The following DLGAP1 variants were observed in gnomAD, a reference collection of about 807,000 sequenced individuals.
The protein encoded by DLGAP1 is DLG associated protein 1.
In DLGAP1, 11 loss-of-function variants were observed where a neutral mutation model predicts 90.8. The ratio of observed to expected loss-of-function variants is 0.12; its 90% CI spans 0.08 to 0.20. The LOEUF is 0.20. DLGAP1 is among the 10% of genes least tolerant of loss of function. DLGAP1 has a pLI of 1.00. For synonymous variants in DLGAP1, 558 were observed against 540.7 expected (o/e 1.03, Z -0.44); for missense variants, 1,050 against 1,333.8 (o/e 0.79, Z 3.31).
chr18:4,351,931 T>C (rs2081410981), intron 1 of DLGAP1, among the ~76,000 whole-genome samples: 1 of 152,216 alleles, frequency 6.6e-6, no homozygotes, highest in Non-Finnish European at 1.5e-5. Context: ...ACGTAGTTTT[T>C]CCATAAAAAT....
intron 5 of DLGAP1, among the ~76,000 whole-genome samples, chr18:3,793,073 T>C (rs999200380): frequency 6.6e-6 from 1 of 152,128 alleles, no homozygotes; most frequent in Admixed American, 6.5e-5. Flanking sequence ...TAATATCCCA[T>C]GGAATACGAC....
rs569735740 is a variant in DLGAP1 at position 4,430,618 on chromosome 18, C to T, written c.-267+24388G>A. 2.0e-5 allele frequency: 3 copies of T among 151,412 alleles called. 1 individual carries two copies. Among genetic ancestry groups the T allele is most frequent in the African/African-American group, 7.3e-5 (3 of 41,212 alleles). The allele number at this position is 151,412 out of a possible 1,614,324, so 9.4% of individuals were successfully genotyped here. A position where few individuals can be genotyped will look rare whatever the true frequency, so the allele number is the denominator to read the frequency against. On this transcript the variant is annotated intron_variant, in intron 1 of 12. Transcript: ENST00000315677. ...TTGAGGTATAATTCACCAGTAAAAC[C>T]TGTATACATTTATGTGAGAGTGAGG...
chr18:4,078,071 A>G (rs2075550445), intron 2 of DLGAP1, among the ~76,000 whole-genome samples: 1 of 152,174 alleles, frequency 6.6e-6, no homozygotes, highest in African/African-American at 2.4e-5. Context: ...TTTTCTATTC[A>G]TTGTAAACGA....
intron 10 of DLGAP1, among the ~76,000 whole-genome samples, chr18:3,523,816 C>G (rs1357632636): frequency 1.3e-5 from 2 of 150,812 alleles, no homozygotes; most frequent in East Asian, 2.0e-4. Flanking sequence ...CCACTGCACT[C>G]CAGCCTGGGC....
intron 7 of DLGAP1, among the ~76,000 whole-genome samples, chr18:3,674,296 A>ATACATATAT (rs1555623972): frequency 7.8e-6 from 1 of 128,992 alleles, no homozygotes; most frequent in East Asian, 2.1e-4. Context: ...ATAATATTAA[A>ATACATATAT]ATATATATAT....
At chr18:3,771,021 GAGA>G (rs2148006279) in intron 5 of DLGAP1, 1 of 152,264 alleles carries the variant, frequency 6.6e-6, no homozygotes, top group Non-Finnish European at 1.5e-5. Context: ...CTTTTCTATA[GAGA>G]AGCACCGAAC....
chr18:3,867,550 G>A (rs569145983), intron 4 of DLGAP1, among the ~76,000 whole-genome samples: 20 of 152,186 alleles, frequency 1.3e-4, no homozygotes, highest in African/African-American at 4.8e-4. Flanking sequence ...ATCAGTGAAC[G>A]AAGAAATTAA....
At chr18:3,850,439 C>G (rs2069273508) in intron 4 of DLGAP1, among the ~76,000 whole-genome samples, 5 of 151,938 alleles carry the variant, frequency 3.3e-5, no homozygotes, top group Admixed American at 2.6e-4. Flanking sequence ...ATTATAAGAT[C>G]CATTAGATGA....
intron 2 of DLGAP1, among the ~76,000 whole-genome samples, chr18:4,064,507 G>T (rs1164081603): frequency 6.6e-6 from 1 of 151,896 alleles, no homozygotes; most frequent in African/African-American, 2.4e-5. Flanking sequence ...AATGATAAGG[G>T]GGACATCACC....
At chr18:4,085,352 T>C (rs563901997) in intron 2 of DLGAP1, among the ~76,000 whole-genome samples, 67 of 152,358 alleles carry the variant, frequency 4.4e-4, no homozygotes, top group African/African-American at 1.6e-3. Flanking sequence ...TGCTAATATC[T>C]TCACTGAGGA....
chr18:3,666,097 G>A (rs778649844), intron 7 of DLGAP1, among the ~76,000 whole-genome samples: 4 of 152,162 alleles, frequency 2.6e-5, no homozygotes, highest in Non-Finnish European at 4.4e-5. Context: ...TCAGGCAGAG[G>A]ACGCAACAGA....
At chr18:3,537,796 A>C (rs377002338) in intron 9 of DLGAP1, among the ~76,000 whole-genome samples, 6 of 152,148 alleles carry the variant, frequency 3.9e-5, no homozygotes, top group African/African-American at 1.4e-4. Context: ...TTTTTGACAG[A>C]ATGTGTGTTC....
chr18:4,032,188 T>C (rs2074806451), intron 2 of DLGAP1, among the ~76,000 whole-genome samples: 1 of 152,190 alleles, frequency 6.6e-6, no homozygotes, highest in Admixed American at 6.5e-5. Context: ...TGAAAAGAAT[T>C]TCCAAAACTG....
At chr18:3,958,460 CAAAA>C (rs71160925) in intron 3 of DLGAP1, among the ~76,000 whole-genome samples, 4 of 97,220 alleles carry the variant, frequency 4.1e-5, no homozygotes, top group Admixed American at 1.0e-4. Context: ...TTAGGATAAG[CAAAA>C]AAAAAAAAAA....
At chr18:4,361,870 T>C (rs1297465915) in intron 1 of DLGAP1, among the ~76,000 whole-genome samples, 2 of 152,008 alleles carry the variant, frequency 1.3e-5, no homozygotes, top group Non-Finnish European at 2.9e-5. Flanking sequence ...AATAGAGAAC[T>C]CCTAAAATTC....
At position 3,994,530 on chromosome 18, in the gene DLGAP1, T is replaced by A. The variant is rs78429952; in HGVS notation, c.-73+10586A>T. 2.5e-3 allele frequency among the ~76,000 whole-genome samples: 376 copies of A among 152,292 alleles called. 1 individual carries two copies. The highest frequency in any genetic ancestry group is 8.6e-3 in the African/African-American group (356 of 41,558). On this transcript the variant is annotated intron_variant, in intron 3 of 12. Transcript: ENST00000315677. ...GCGGCTAAAAATATCTCAAACCTGA[T>A]AGAAGCTGAGAGGAGCTGAAATTTC...
chr18:3,791,515 CGTGT>C (rs10585847), intron 5 of DLGAP1, among the ~76,000 whole-genome samples: 3 of 150,260 alleles, frequency 2.0e-5, no homozygotes, highest in Admixed American at 1.3e-4. Context: ...TGCACATGTG[CGTGT>C]GTGTGTGTGT....
intron 4 of DLGAP1, chr18:3,874,732 A>T: frequency 2.0e-6 from 3 of 1,522,182 alleles, no homozygotes; most frequent in African/African-American, 1.4e-5. Flanking sequence ...CCTAATACAG[A>T]CAGTCACTGG....
At chr18:4,247,932 C>T (rs1316370851) in intron 1 of DLGAP1, among the ~76,000 whole-genome samples, 1 of 152,100 alleles carries the variant, frequency 6.6e-6, no homozygotes, top group Admixed American at 6.6e-5. Flanking sequence ...TCTTCAAATT[C>T]CCACTATCTG....
Sources: gnomAD v4.1 joint callset for allele counts (sites outside exome capture counted in the v4.1 genomes callset) on GRCh38, gnomAD v4.1.1 for gene constraint, MANE v1.5 for transcripts, NCBI Gene and HGNC (gene_info 2026-07-23, HGNC 2026-07-21) for gene names.